AMBRA1: variants seen among roughly 807,000 people sequenced by gnomAD.
AMBRA1 encodes the protein activating molecule in BECN1-regulated autophagy protein 1.
AMBRA1 carries 47 observed loss-of-function variants against 125.4 expected under a neutral mutation model. The ratio of observed to expected loss-of-function variants is 0.37; its 90% CI spans 0.30 to 0.48. The LOEUF (loss-of-function observed/expected upper bound fraction) is 0.48, where lower values mean the gene tolerates loss of function less well. Ranked by LOEUF, AMBRA1 falls within the 20% of genes least tolerant of loss-of-function variation. The pLI is 0.99. For missense variants in AMBRA1, 1,331 were observed against 1,693.4 expected, an observed-to-expected ratio of 0.79 and a Z score of 3.76; for synonymous variants, 626 against 655.5, an observed-to-expected ratio of 0.95 and a Z score of 0.69.
chr11:46,523,924 A>G (rs1460987042), intron 7 of AMBRA1, among the ~76,000 whole-genome samples: 1 of 152,160 alleles, frequency 6.6e-6, no homozygotes, highest in East Asian at 1.9e-4. Context: ...GCTGGAGTGC[A>G]ATGGCATGAT....
intron 11 of AMBRA1, among the ~76,000 whole-genome samples, chr11:46,464,864 G>A (rs1949254590): frequency 6.6e-6 from 1 of 151,940 alleles, no homozygotes; most frequent in Non-Finnish European, 1.5e-5. Flanking sequence ...GGCCAACAGG[G>A]TGAAACCCCG....
chr11:46,496,236 T>C (rs1441261456), intron 9 of AMBRA1, among the ~76,000 whole-genome samples: 1 of 151,468 alleles, frequency 6.6e-6, no homozygotes, highest in Non-Finnish European at 1.5e-5. Context: ...TACAAAAAAT[T>C]AGCCAGGCAT....
chr11:46,508,747 G>A (rs1590984997), intron 8 of AMBRA1, among the ~76,000 whole-genome samples: 5 of 152,114 alleles, frequency 3.3e-5, no homozygotes, highest in Admixed American at 3.3e-4. Flanking sequence ...CCATCCATAC[G>A]CAAAATGGAA....
intron 9 of AMBRA1, among the ~76,000 whole-genome samples, chr11:46,506,998 T>C (rs1951058628): frequency 7.6e-6 from 1 of 131,422 alleles, no homozygotes; most frequent in African/African-American, 2.9e-5. Context: ...ACCCCATCTC[T>C]ACTAAAAATA....
At chr11:46,577,116 T>A (rs1282098350) in intron 1 of AMBRA1, among the ~76,000 whole-genome samples, 1 of 152,194 alleles carries the variant, frequency 6.6e-6, no homozygotes, top group African/African-American at 2.4e-5. Context: ...CATTCCTACC[T>A]AGGTATATTC....
chr11:46,561,114 C>A (rs1480774009), intron 1 of AMBRA1, among the ~76,000 whole-genome samples: 3 of 152,182 alleles, frequency 2.0e-5, no homozygotes, highest in African/African-American at 7.2e-5. Context: ...GGCGCAGTAG[C>A]TCACACCTGT....
intron 16 of AMBRA1, 111 bp from the exon 17 acceptor site, chr11:46,408,817 GC>G: frequency 1.0e-6 from 1 of 1,002,174 alleles, no homozygotes; most frequent in Non-Finnish European, 1.4e-6. Flanking sequence ...GGCCCTGCAG[GC>G]TAAGAGAAGC....
At chr11:46,524,377 A>G (rs1430709142) in intron 7 of AMBRA1, among the ~76,000 whole-genome samples, 1 of 152,248 alleles carries the variant, frequency 6.6e-6, no homozygotes, top group Non-Finnish European at 1.5e-5. Flanking sequence ...TGCACAGGAC[A>G]GCCTCCCATG....
intron 7 of AMBRA1, among the ~76,000 whole-genome samples, chr11:46,529,926 G>C (rs1952138674): frequency 6.6e-6 from 1 of 152,120 alleles, no homozygotes; most frequent in Non-Finnish European, 1.5e-5. Flanking sequence ...TGAATCCTGG[G>C]CCCACCCCCC....
intron 1 of AMBRA1, among the ~76,000 whole-genome samples, chr11:46,579,630 A>AT (rs2044101917): frequency 6.6e-6 from 1 of 152,194 alleles, no homozygotes; most frequent in Non-Finnish European, 1.5e-5. Flanking sequence ...GCAGCCAAGA[A>AT]TACAAAAAAT....
chr11:46,432,187 T>A (rs1265003537), intron 14 of AMBRA1, among the ~76,000 whole-genome samples: 1 of 152,120 alleles, frequency 6.6e-6, no homozygotes, highest in Non-Finnish European at 1.5e-5. Flanking sequence ...GAGAGTGACA[T>A]GGAAACAAAT....
chr11:46,447,711 GA>G (rs1948364842), intron 11 of AMBRA1, among the ~76,000 whole-genome samples: 7 of 76 alleles, frequency 0.092, no homozygotes, highest in Admixed American at 0.5. Flanking sequence ...CCATCTTGTA[GA>G]TAGATAGATA....
intron 14 of AMBRA1, among the ~76,000 whole-genome samples, chr11:46,418,326 A>AAATATAT (rs1554969176): frequency 0.011 from 42 of 3,890 alleles, no homozygotes; most frequent in East Asian, 0.059. Context: ...ATTTATATAT[A>AAATATAT]AATATGTATT....
At chr11:46,454,485 C>T (rs565318676) in intron 11 of AMBRA1, among the ~76,000 whole-genome samples, 5 of 149,726 alleles carry the variant, frequency 3.3e-5, no homozygotes, top group East Asian at 4.0e-4. Context: ...CCTGTAATCC[C>T]AGCACTTTGG....
chr11:46,560,761 C>A (rs927044311), intron 1 of AMBRA1, among the ~76,000 whole-genome samples: 3 of 152,136 alleles, frequency 2.0e-5, no homozygotes, highest in African/African-American at 7.2e-5. Context: ...AAGAAGGCTA[C>A]TCTTAAATGT....
chr11:46,567,950 C>T (rs1459927418), intron 1 of AMBRA1, among the ~76,000 whole-genome samples: 1 of 151,878 alleles, frequency 6.6e-6, no homozygotes, highest in African/African-American at 2.4e-5. Flanking sequence ...GGGTCTGAAA[C>T]CAGCCTGGCC....
At chr11:46,452,699 G>A (rs1203844679) in intron 11 of AMBRA1, among the ~76,000 whole-genome samples, 1 of 152,144 alleles carries the variant, frequency 6.6e-6, no homozygotes, top group Non-Finnish European at 1.5e-5. Flanking sequence ...GTATAACTAA[G>A]TACTCAGTCA....
chr11:46,438,235 G>A (rs1230770800), intron 12 of AMBRA1, among the ~76,000 whole-genome samples: 1 of 152,196 alleles, frequency 6.6e-6, no homozygotes, highest in African/African-American at 2.4e-5. Context: ...GAACTTCAGG[G>A]GGCAGCTCCG....
intron 8 of AMBRA1, among the ~76,000 whole-genome samples, chr11:46,509,678 G>C (rs891435067): frequency 4.6e-5 from 7 of 152,014 alleles, no homozygotes; most frequent in Non-Finnish European, 1.0e-4. Context: ...TCTTAAGTGG[G>C]AGAAAAATTG....
Sources: gnomAD v4.1 joint callset for allele counts (sites outside exome capture counted in the v4.1 genomes callset) on GRCh38, gnomAD v4.1.1 for gene constraint, MANE v1.5 for transcripts, NCBI Gene and HGNC (gene_info 2026-07-23, HGNC 2026-07-21) for gene names.